The following DOP1A variants were observed in gnomAD, a reference collection of about 807,000 sequenced individuals.
DOP1A encodes the protein protein DOP1A.
A neutral mutation model predicts 267.6 loss-of-function variants in DOP1A; 90 were observed. That is an observed-to-expected ratio of 0.34 (90% CI 0.28 to 0.40). The LOEUF is 0.40. DOP1A is among the 10% of genes least tolerant of loss of function. The pLI, the probability that DOP1A is intolerant of heterozygous loss-of-function variation, is 1.00. For synonymous variants in DOP1A, 932 were observed against 999.1 expected (o/e 0.93, Z 1.27); for missense variants, 2,437 against 2,900.4 (o/e 0.84, Z 3.67).
intron 4 of DOP1A, 120 bp downstream of exon 4, chr6:83,101,006 A>G: frequency 1.7e-6 from 1 of 583,934 alleles, no homozygotes; most frequent in Non-Finnish European, 2.5e-6. Context: ...AGAAGTTTTC[A>G]GATATCAATC....
At chr6:83,135,482 T>C (rs1778741814) in intron 19 of DOP1A, 137 bp from the exon 20 acceptor site, 1 of 968,508 alleles carries the variant, frequency 1.0e-6, no homozygotes, top group South Asian at 1.9e-5. Context: ...TAAAATACTA[T>C]GATCAAAATT....
chr6:83,129,202 G>A lies in DOP1A; in HGVS notation c.2035G>A (p.Glu679Lys). The change falls in exon 16 of 39, where the codon GAG becomes AAG. Residue 679 changes from glutamate to lysine, a missense_variant. By Grantham distance (56) the Glu-to-Lys change is moderately conservative. This residue lies in a region of DOP1A where 498 missense variants were observed against 513.5 expected (regional missense o/e 0.97). Transcript: ENST00000349129. ...AAAGACTGCAATGCAGTGCTGCTTG[G>A]AGTATGTCCAACAGTTTCTTACCAG... Reference protein sequence around the residue: ...AQKTAMQCCLEYVQQFLTRLI... With the variant: ...AQKTAMQCCLKYVQQFLTRLI... 1 of 1,613,258 alleles carries A rather than the reference G, an allele frequency of 6.2e-7. No individual in the cohort carries two copies. The highest frequency in any genetic ancestry group is 1.1e-5 in the South Asian group (1 of 90,880).
chr6:83,117,027 G>A (rs1775550569), intron 7 of DOP1A, among the ~76,000 whole-genome samples: 1 of 152,082 alleles, frequency 6.6e-6, no homozygotes, highest in Non-Finnish European at 1.5e-5. Context: ...CTTTGAGAAA[G>A]CTGGTAGTTA....
At chr6:83,160,146 C>T (rs1783892294) in intron 37 of DOP1A, among the ~76,000 whole-genome samples, 186 bp downstream of exon 37, 1 of 152,206 alleles carries the variant, frequency 6.6e-6, no homozygotes, top group Non-Finnish European at 1.5e-5. Context: ...TATTAACAGA[C>T]TATTCAGTCA....
chr6:83,151,972 T>C lies in DOP1A; in HGVS notation c.5994T>C (p.Val1998=). The C allele has an allele frequency of 1.9e-6, 3 of 1,614,036 alleles. No individual in the cohort carries two copies. The highest frequency in any genetic ancestry group is 1.7e-6 in the Non-Finnish European group (2 of 1,179,942). ...CATGGCTGCGACGAAATCTTGAAGTTAAGCCTTCTCCCAAAATAATGGTAG... is the reference window on the plus strand; with the variant it reads ...CATGGCTGCGACGAAATCTTGAAGTCAAGCCTTCTCCCAAAATAATGGTAG... The part of the protein sequence containing the change: ...QTTWLRRNLE[V]KPSPKIMVDG... The change falls in exon 29 of 39, where the codon GTT becomes GTC. Residue 1998 remains valine (V), a synonymous_variant. Transcript: ENST00000349129.
At chr6:83,127,663 T>A (rs765360946) in intron 15 of DOP1A, among the ~76,000 whole-genome samples, 18 of 151,928 alleles carry the variant, frequency 1.2e-4, no homozygotes, top group Non-Finnish European at 2.5e-4. Context: ...AGGTGAGAGG[T>A]GGTGATAACT....
chr6:83,079,178 C>T (rs376005581), intron 1 of DOP1A, among the ~76,000 whole-genome samples: 1 of 152,140 alleles, frequency 6.6e-6, no homozygotes, highest in African/African-American at 2.4e-5. Flanking sequence ...CAGGGTGAAC[C>T]CTTTTTTAAA....
At chr6:83,164,790 C>A in intron 38 of DOP1A, 3 of 1,297,452 alleles carry the variant, frequency 2.3e-6, no homozygotes, top group Non-Finnish European at 1.1e-6. Flanking sequence ...AAACCCAGGT[C>A]TGAATGTCAA....
At chr6:83,166,226 C>A (rs1361575307) in intron 38 of DOP1A, 2 of 511,094 alleles carry the variant, frequency 3.9e-6, no homozygotes, top group Non-Finnish European at 6.9e-6. Flanking sequence ...TGCCGAACGA[C>A]CATAAAATGG....
chr6:83,148,304 C>G (rs893740296), intron 26 of DOP1A, among the ~76,000 whole-genome samples: 2 of 152,046 alleles, frequency 1.3e-5, no homozygotes, highest in African/African-American at 4.8e-5. Flanking sequence ...CCCAGCTACT[C>G]AGGAGGCTGA....
chr6:83,165,680 G>C (rs1233536823), intron 38 of DOP1A: 2 of 215,038 alleles, frequency 9.3e-6, no homozygotes, highest in Non-Finnish European at 2.0e-5. Flanking sequence ...GCCTAAAGAA[G>C]TGGTAGTTTG....
At chr6:83,130,808 G>C (rs541422065) in intron 17 of DOP1A, among the ~76,000 whole-genome samples, 1 of 151,358 alleles carries the variant, frequency 6.6e-6, no homozygotes, top group African/African-American at 2.4e-5. Context: ...GCATGATCTC[G>C]GCTCACTGCA....
At chr6:83,134,497 C>T (rs1778569442) in intron 19 of DOP1A, 1 of 441,508 alleles carries the variant, frequency 2.3e-6, no homozygotes, top group South Asian at 4.2e-5. Flanking sequence ...TTGGAGTACC[C>T]GGCTCCACTT....
intron 15 of DOP1A, among the ~76,000 whole-genome samples, chr6:83,126,792 A>T (rs528365211): frequency 6.6e-6 from 1 of 152,244 alleles, no homozygotes; most frequent in African/African-American, 2.4e-5. Flanking sequence ...CAAATTATCA[A>T]GTCAGAGGAA....
In DOP1A at chr6:83,122,967, T is replaced by A. The variant is rs1395040568; in HGVS notation, c.1325T>A (p.Phe442Tyr). The change falls in exon 12 of 39, where the codon TTT becomes TAT. Residue 442 changes from phenylalanine to tyrosine, a missense_variant. Phe to Tyr is a conservative substitution (Grantham distance 22, BLOSUM62 3). Coordinates refer to ENST00000349129, the MANE Select transcript of DOP1A (RefSeq NM_015018.4). Reference sequence around the variant, plus strand: ...ATGTGGGATTATGTTGCACGCTGGTTTGAAGAATGTTGTAGGTATGTTAAA... The same window carrying A: ...ATGTGGGATTATGTTGCACGCTGGTATGAAGAATGTTGTAGGTATGTTAAA... Reference protein sequence around the residue: ...YYMWDYVARWFEECCRRTLHV... With the variant: ...YYMWDYVARWYEECCRRTLHV... 6.3e-7 allele frequency: 1 copy of A among 1,582,148 alleles called. No individual in the cohort carries two copies. Among genetic ancestry groups the A allele is most frequent in the Non-Finnish European group, 8.6e-7 (1 of 1,169,176 alleles).
At chr6:83,106,301 G>A (rs1562302904) in intron 4 of DOP1A, among the ~76,000 whole-genome samples, 2 of 152,130 alleles carry the variant, frequency 1.3e-5, no homozygotes, top group Admixed American at 6.5e-5. Context: ...GTGAGCTTTT[G>A]GTAATATAAA....
downstream of DOP1A, chr6:83,169,673 A>G (rs761541634): frequency 6.5e-6 from 3 of 464,824 alleles, no homozygotes; most frequent in African/African-American, 2.0e-5. Context: ...TCCATCATGG[A>G]TATTCATTAG....
chr6:83,169,008 T>TA (rs1171751162), downstream of DOP1A: 3 of 1,326,642 alleles, frequency 2.3e-6, no homozygotes, highest in African/African-American at 4.4e-5. Flanking sequence ...CCCAGTATTT[T>TA]ACATTAGTGA....
At chr6:83,071,959 G>A (rs1236756266) in intron 1 of DOP1A, among the ~76,000 whole-genome samples, 1 of 152,176 alleles carries the variant, frequency 6.6e-6, no homozygotes, top group Non-Finnish European at 1.5e-5. Context: ...CAAAGCTCCT[G>A]TATGAGTAGA....
Sources: gnomAD v4.1 joint callset for allele counts (sites outside exome capture counted in the v4.1 genomes callset) on GRCh38, gnomAD v4.1.1 for gene constraint, gnomAD v4.1.1 regional missense constraint, MANE v1.5 for transcripts, NCBI Gene and HGNC (gene_info 2026-07-23, HGNC 2026-07-21) for gene names.